ESPL1: variants seen among roughly 807,000 people sequenced by gnomAD.
ESPL1 encodes the protein extra spindle pole bodies like 1, separase, also known as separin.
In ESPL1, 50 loss-of-function variants were observed where a neutral mutation model predicts 217.2. The ratio of observed to expected loss-of-function variants is 0.23; its 90% confidence interval spans 0.18 to 0.29. The LOEUF is 0.29. Ranked by LOEUF, ESPL1 falls within the 10% of genes least tolerant of loss-of-function variation. ESPL1 has a pLI of 1.00. For missense variants in ESPL1, 1,834 were observed against 2,603.0 expected, an observed-to-expected ratio of 0.70 and a Z score of 6.43; for synonymous variants, 994 against 1,081.3, an observed-to-expected ratio of 0.92 and a Z score of 1.58.
At chr12:53,287,013 C>A in intron 18 of ESPL1, 101 bp downstream of exon 18, 1 of 1,180,556 alleles carries the variant, frequency 8.5e-7, no homozygotes, top group Non-Finnish European at 1.2e-6. Context: ...AATAGCTCCC[C>A]AGGGCCTAGT....
intron 17 of ESPL1, 36 bp from the exon 18 acceptor site, chr12:53,285,888 C>A: frequency 6.6e-7 from 1 of 1,504,712 alleles, no homozygotes; most frequent in South Asian, 1.4e-5. Flanking sequence ...TGCCATTTCT[C>A]CCCGTTTTGT....
intron 12 of ESPL1, among the ~76,000 whole-genome samples, chr12:53,281,283 G>A (rs1392012561): frequency 1.3e-5 from 2 of 151,558 alleles, no homozygotes; most frequent in Admixed American, 6.6e-5. Context: ...GATTACAGGC[G>A]CGTGCCACCA....
intron 6 of ESPL1, chr12:53,274,444 G>C (rs74432391): frequency 4.4e-4 from 88 of 202,090 alleles, no homozygotes; most frequent in African/African-American, 2.0e-3. Flanking sequence ...GTGGATCGGT[G>C]CGAGAAGCCA....
rs1943833058 is a variant in ESPL1, at chr12:53,279,874, C to T, written c.2499+8C>T. 3 of 1,574,492 alleles carry T rather than the reference C, an allele frequency of 1.9e-6. No individual in the cohort carries two copies. The highest frequency in any genetic ancestry group is 2.6e-6 in the Non-Finnish European group (3 of 1,158,866). ...TGTCCCAGCTATGCCCAGGTGAGTG[C>T]CCAACCAGCCTAGTCTGGGGACTGC... On this transcript the variant is annotated splice_region_variant and intron_variant, in intron 12 of 30. Transcript: ENST00000257934.
chr12:53,293,067 C>T lies in ESPL1; in HGVS notation c.6161+97C>T. 5 of 1,229,778 alleles carry T rather than the reference C, an allele frequency of 4.1e-6. No homozygotes were observed. The highest frequency in any genetic ancestry group is 5.7e-6 in the Non-Finnish European group (5 of 877,042). The allele number at this position is 1,229,778 out of a possible 1,614,324, so 76.2% of individuals were successfully genotyped here. ...TCTGAATCTTGCCTCTCTTGTGCCC[C>T]ATTTTCCTCCTATCCTAGTTAGTTC... On this transcript the variant is annotated intron_variant, in intron 30 of 30. Coordinates refer to ENST00000257934, the MANE Select transcript of ESPL1 (RefSeq NM_012291.5). The surrounding 1 kb of genome is among the most constrained non-coding windows in gnomAD (Gnocchi z 4.2).
intron 5 of ESPL1, 50 bp downstream of exon 5, chr12:53,270,848 A>G (rs986480100): frequency 6.2e-7 from 1 of 1,607,384 alleles, no homozygotes; most frequent in Non-Finnish European, 8.5e-7. Flanking sequence ...GTCATCACCC[A>G]TTAGGCAGGT....
chr12:53,290,739 A>T (rs1944041143), intron 24 of ESPL1, 102 bp from the exon 25 acceptor site: 6 of 89,430 alleles, frequency 6.7e-5, no homozygotes, highest in Non-Finnish European at 9.4e-5. Flanking sequence ...TAAGACAGAC[A>T]TGCACATTGG....
At chr12:53,287,847 G>T in intron 18 of ESPL1, 125 bp from the exon 19 acceptor site, 1 of 946,474 alleles carries the variant, frequency 1.1e-6, no homozygotes, top group Non-Finnish European at 1.6e-6. Context: ...TGAGAAGTTA[G>T]TTCTGAAATC....
chr12:53,277,738 G>C, intron 10 of ESPL1, 83 bp from the exon 11 acceptor site: 2 of 1,582,880 alleles, frequency 1.3e-6, no homozygotes, highest in South Asian at 2.3e-5. Flanking sequence ...TTGGCGTAAA[G>C]GGCAGAGGAT....
chr12:53,290,135 G>A lies in ESPL1; in HGVS notation c.5164G>A (p.Gly1722Ser). The change falls in exon 23 of 31, where the codon GGC becomes AGC. Residue 1722 changes from glycine (G) to serine (S), a missense_variant. This residue lies in a region of ESPL1 where 295 missense variants were observed against 519.8 expected (regional missense o/e 0.57). Transcript: ENST00000257934. ...GGCCACCCTCCAGCCCGGAACCGTG[G>A]GCAACACCCTCCTGCTGACCCGGCT... Reference protein sequence around the residue: ...ALATLQPGTVGNTLLLTRLEK... With the variant: ...ALATLQPGTVSNTLLLTRLEK... 6.2e-7 allele frequency: 1 copy of A among 1,613,870 alleles called. No homozygotes were observed. Among genetic ancestry groups the A allele is most frequent in the Non-Finnish European group, 8.5e-7 (1 of 1,180,042 alleles).
intron 19 of ESPL1, 84 bp from the exon 20 acceptor site, chr12:53,288,452 ACT>A: frequency 1.3e-6 from 2 of 1,527,988 alleles, no homozygotes; most frequent in Non-Finnish European, 1.8e-6. Flanking sequence ...TCTTTTGCTG[ACT>A]CTAAGGGAGT....
At chr12:53,283,994 GAGAA>G in intron 16 of ESPL1, 60 bp from the exon 17 acceptor site, 3 of 1,243,674 alleles carry the variant, frequency 2.4e-6, no homozygotes, top group South Asian at 1.2e-5. Flanking sequence ...AAGAGGCAAA[GAGAA>G]AGACTCTCCA....
At chr12:53,277,673 C>G (rs1030061762) in intron 10 of ESPL1, 65 bp downstream of exon 10, 1 of 1,592,068 alleles carries the variant, frequency 6.3e-7, no homozygotes, top group Non-Finnish European at 8.6e-7. Flanking sequence ...ACAGGGACCC[C>G]TGGTGAGGGA....
In ESPL1 at chr12:53,270,679, T is replaced by C. The variant is rs1022768813; in HGVS notation, c.1250T>C (p.Ile417Thr). 7 of 1,614,032 alleles carry C rather than the reference T, an allele frequency of 4.3e-6. No individual in the cohort carries two copies. Among genetic ancestry groups the C allele is most frequent in the African/African-American group, 4.0e-5 (3 of 74,908 alleles). The change falls in exon 5 of 31, where the codon ATA becomes ACA. Residue 417 changes from isoleucine (I) to threonine (T), a missense_variant and splice_region_variant. Coordinates refer to ENST00000257934, the MANE Select transcript of ESPL1 (RefSeq NM_012291.5). ...VVYDFAQGCQ[I>T]VDLADLTQLV... is the part of the protein sequence containing the mutation. ...CTCAAACCCTTCTTGTCCCTTCAGATAGTTGATTTGGCTGACCTGACCCAA... is the reference window on the plus strand; with the variant it reads ...CTCAAACCCTTCTTGTCCCTTCAGACAGTTGATTTGGCTGACCTGACCCAA...
chr12:53,288,577 G>A lies in ESPL1; in HGVS notation c.4586G>A (p.Gly1529Glu). The change falls in exon 20 of 31, where the codon GGA becomes GAA. Residue 1529 changes from glycine (G) to glutamate (E), a missense_variant. Coordinates refer to ENST00000257934, the MANE Select transcript of ESPL1 (RefSeq NM_012291.5). ...TPAPGPEAAS[G>E]EWELLRLDSS... ...GCTCCGGGCCCTGAGGCAGCTTCTG[G>A]AGAATGGGAGCTGCTGAGGCTGGAT... The A allele has an allele frequency of 6.2e-7, 1 of 1,613,756 alleles. No homozygotes were observed. The highest frequency in any genetic ancestry group is 8.5e-7 in the Non-Finnish European group (1 of 1,180,002).
In ESPL1 at chr12:53,288,109, C is replaced by T. The variant is rs192407973; in HGVS notation, c.4314C>T (p.Ala1438=). Residue 1438 remains alanine, a synonymous_variant, in exon 19 of 31, where the codon GCC becomes GCT. Transcript: ENST00000257934. ...ARKGLSLKTD[A]VVAPGSAPGN... ...AGGGCCTGAGCCTAAAGACGGATGC[C>T]GTGGTTGCCCCAGGTAGTGCCCCTG... 124 of 1,613,668 alleles carry T rather than the reference C, an allele frequency of 7.7e-5. 1 individual carries two copies. The East Asian group carries it at 1.0e-3, about 13-fold the overall frequency.
intron 11 of ESPL1, 150 bp from the exon 12 acceptor site, chr12:53,279,582 T>C (rs139120998): frequency 0.02 from 16,437 of 830,718 alleles, 282 homozygotes; most frequent in South Asian, 0.054. Flanking sequence ...ACAGTAGGGG[T>C]GGGGTGATGA....
At chr12:53,281,010 T>C (rs1943851953) in intron 12 of ESPL1, among the ~76,000 whole-genome samples, 2 of 151,744 alleles carry the variant, frequency 1.3e-5, no homozygotes, top group Non-Finnish European at 2.9e-5. Context: ...AAAAAGTGGT[T>C]AACCAAGTGT....
chr12:53,280,414 A>G (rs944837302), intron 12 of ESPL1, among the ~76,000 whole-genome samples: 3 of 152,158 alleles, frequency 2.0e-5, no homozygotes, highest in Non-Finnish European at 2.9e-5. Context: ...AACAGAAGAC[A>G]TCATTCTGTT....
Sources: allele counts gnomAD v4.1 joint callset (sites outside exome capture counted in the v4.1 genomes callset), GRCh38; gene constraint gnomAD v4.1.1; regional missense constraint gnomAD v4.1.1; non-coding constraint Gnocchi (gnomAD v3.1); transcripts MANE v1.5; gene names NCBI Gene and HGNC (gene_info 2026-07-23, HGNC 2026-07-21).